MANBA: variants seen among roughly 807,000 people sequenced by gnomAD.
MANBA encodes the protein beta-mannosidase.
A neutral mutation model predicts 111.1 loss-of-function variants in MANBA; 83 were observed. The observed-to-expected ratio is 0.75, with a 90% CI of 0.63 to 0.90. The LOEUF is 0.90. Among genes scored for constraint, MANBA ranks in the 40% least tolerant of loss-of-function variants. The pLI is 0.00. For missense variants in MANBA, 1,036 were observed against 1,069.0 expected, an observed-to-expected ratio of 0.97 and a Z score of 0.43; for synonymous variants, 370 against 378.7, an observed-to-expected ratio of 0.98 and a Z score of 0.27.
chr4:102,731,139 G>A (rs761981705), intron 1 of MANBA, among the ~76,000 whole-genome samples: 14 of 151,904 alleles, frequency 9.2e-5, no homozygotes, highest in Non-Finnish European at 1.2e-4. Flanking sequence ...CTTGATTGAC[G>A]CAAGTGGCAC....
At chr4:102,651,176 T>A (rs1317776130) in intron 12 of MANBA, among the ~76,000 whole-genome samples, 1 of 152,006 alleles carries the variant, frequency 6.6e-6, no homozygotes, top group Non-Finnish European at 1.5e-5. Context: ...ACTATGAGAG[T>A]AGATGCTTTA....
At chr4:102,750,532 T>C (rs1038376688) in intron 1 of MANBA, among the ~76,000 whole-genome samples, 4 of 152,184 alleles carry the variant, frequency 2.6e-5, no homozygotes, top group African/African-American at 7.2e-5. Context: ...TCTGTGGTTA[T>C]GTTGAAGAAA....
chr4:102,758,256 T>C (rs1176745405), intron 1 of MANBA, among the ~76,000 whole-genome samples: 1 of 152,162 alleles, frequency 6.6e-6, no homozygotes, highest in Admixed American at 6.5e-5. Context: ...AGGACTTTGT[T>C]TTCTTTACCA....
chr4:102,672,203 A>G, intron 8 of MANBA: 1 of 397,964 alleles, frequency 2.5e-6, no homozygotes, highest in East Asian at 3.6e-5. Context: ...TTTGGAAAAA[A>G]TCAGGGTTTA....
rs548209583 is a variant in MANBA, at chr4:102,636,023, A to G, written c.2015-16T>C. Reference sequence around the variant, plus strand: ...CCTCCGTACTCTGAAAATAATCAAGAGTGTCAGGAGACGGCAAGGTCAAGT... The same window carrying G: ...CCTCCGTACTCTGAAAATAATCAAGGGTGTCAGGAGACGGCAAGGTCAAGT... On this transcript the variant is annotated splice_polypyrimidine_tract_variant and intron_variant, in intron 14 of 16. Coordinates refer to ENST00000647097, the MANE Select transcript of MANBA (RefSeq NM_005908.4). 1 of 1,612,478 alleles carries G rather than the reference A, an allele frequency of 6.2e-7. No homozygotes were observed. Among genetic ancestry groups the G allele is most frequent in the Non-Finnish European group, 8.5e-7 (1 of 1,178,634 alleles).
At chr4:102,663,601 T>C (rs1272230057) in intron 11 of MANBA, among the ~76,000 whole-genome samples, 1 of 152,230 alleles carries the variant, frequency 6.6e-6, no homozygotes, top group Non-Finnish European at 1.5e-5. Flanking sequence ...GAATTCTCAA[T>C]GAAGTTTCTT....
intron 14 of MANBA, among the ~76,000 whole-genome samples, chr4:102,639,164 C>T (rs1469838260): frequency 1.3e-5 from 2 of 152,146 alleles, no homozygotes; most frequent in African/African-American, 2.4e-5. Flanking sequence ...CTTTCCCATT[C>T]GGGATTCTGC....
chr4:102,722,955 G>A lies in MANBA; in HGVS notation c.465C>T (p.Ser155=). 1 of 1,614,064 alleles carries A rather than the reference G, an allele frequency of 6.2e-7. No individual in the cohort carries two copies. Among genetic ancestry groups the A allele is most frequent in the Non-Finnish European group, 8.5e-7 (1 of 1,179,910 alleles). Reference sequence around the variant, plus strand: ...GAACCTGGTAGCGAGTGTGAGCTTTGCTCTGCTGTGCTGCATACAACACCG... The same window carrying A: ...GAACCTGGTAGCGAGTGTGAGCTTTACTCTGCTGTGCTGCATACAACACCG... ...QSAVLYAAQQ[S]KAHTRYQVPP... The change falls in exon 4 of 17, where the codon AGC becomes AGT. Residue 155 remains serine, a synonymous_variant. Transcript: ENST00000647097.
At chr4:102,723,093 G>A (rs1301535530) in intron 3 of MANBA, 52 bp from the exon 4 acceptor site, 2 of 1,539,026 alleles carry the variant, frequency 1.3e-6, no homozygotes, top group African/African-American at 1.4e-5. Flanking sequence ...GTAGTCTTGT[G>A]TGTAAAATTT....
At chr4:102,639,572 T>C (rs1729775419) in intron 14 of MANBA, 141 bp downstream of exon 14, 3 of 1,145,308 alleles carry the variant, frequency 2.6e-6, no homozygotes, top group Non-Finnish European at 2.5e-6. Flanking sequence ...CTGTAGTTCC[T>C]AGGCAGGCTT....
intron 13 of MANBA, among the ~76,000 whole-genome samples, chr4:102,642,399 A>G (rs888389116): frequency 6.6e-6 from 1 of 152,188 alleles, no homozygotes; most frequent in African/African-American, 2.4e-5. Flanking sequence ...CGAGGTCAGG[A>G]GATGGAGATC....
chr4:102,680,935 T>A (rs1731949985), intron 7 of MANBA, among the ~76,000 whole-genome samples: 1 of 152,254 alleles, frequency 6.6e-6, no homozygotes. Context: ...TTATTTCCAC[T>A]CTGCCACCTT....
chr4:102,650,615 A>AT lies in MANBA; in HGVS notation c.1790dup (p.Tyr597Ter). ...GGAGTTTGAAATGAAGTCCAGCCTG[A>AT]TAAAGCATTTGTTTGTTACCACCTT... ...HHEGGNKQML[Y>*]QAGLHFKLPQ... is the part of the protein sequence containing the mutation. The change falls in exon 13 of 17, where the codon TAT (tyrosine) becomes TAAT (stop). Residue 597 changes from tyrosine (Y) to a stop codon, truncating the protein, a stop_gained and frameshift_variant. Transcript: ENST00000647097. LOFTEE classifies it high-confidence loss of function. The AT allele has an allele frequency of 6.2e-7, 1 of 1,613,452 alleles. No individual in the cohort carries two copies. The highest frequency in any genetic ancestry group is 8.5e-7 in the Non-Finnish European group (1 of 1,179,390).
Position 102,714,485 on chromosome 4 carries a change from G to A in MANBA, c.626C>T (p.Ala209Val). 5 of 1,603,776 alleles carry A rather than the reference G, an allele frequency of 3.1e-6. No individual in the cohort carries two copies. The highest frequency in any genetic ancestry group is 4.3e-6 in the Non-Finnish European group (5 of 1,170,726). The change falls in exon 5 of 17, where the codon GCC becomes GTC. Residue 209 changes from alanine (A) to valine (V), a missense_variant. Coordinates refer to ENST00000647097, the MANE Select transcript of MANBA (RefSeq NM_005908.4). ...QGIWKDVRIE[A>V]YNICHLNYFT... ...GTAGTTCAGGTGACAAATATTATAG[G>A]CTTCAATTCTAACATCTTTCCAGAT... is the stretch of plus-strand genomic sequence containing the variant.
chr4:102,685,881 T>C (rs866847113), intron 7 of MANBA, among the ~76,000 whole-genome samples: 1 of 151,062 alleles, frequency 6.6e-6, no homozygotes, highest in African/African-American at 2.4e-5. Flanking sequence ...GTAGGACAGT[T>C]CCTCAATCTT....
chr4:102,698,130 G>GTGT (rs1281813762), intron 5 of MANBA, among the ~76,000 whole-genome samples: 10 of 152,166 alleles, frequency 6.6e-5, no homozygotes, highest in African/African-American at 2.4e-4. Context: ...ATTTTTTCAT[G>GTGT]TTTTTTGGCT....
At chr4:102,695,716 A>G (rs545994599) in intron 5 of MANBA, among the ~76,000 whole-genome samples, 2 of 152,286 alleles carry the variant, frequency 1.3e-5, no homozygotes, top group African/African-American at 4.8e-5. Context: ...TCGACTTTCC[A>G]TGAGCCTCTC....
chr4:102,675,800 C>T (rs1407583634), intron 7 of MANBA, among the ~76,000 whole-genome samples: 3 of 151,844 alleles, frequency 2.0e-5, no homozygotes, highest in African/African-American at 7.3e-5. Context: ...TGGTGAAATC[C>T]TATCTCTACT....
intron 1 of MANBA, among the ~76,000 whole-genome samples, chr4:102,755,909 C>G (rs1723993029): frequency 1.3e-5 from 2 of 152,162 alleles, no homozygotes; most frequent in African/African-American, 2.4e-5. Flanking sequence ...AAATGCAAAT[C>G]AAAACCACAA....
Sources: allele counts gnomAD v4.1 joint callset (sites outside exome capture counted in the v4.1 genomes callset), GRCh38; gene constraint gnomAD v4.1.1; transcripts MANE v1.5; gene names NCBI Gene and HGNC (gene_info 2026-07-23, HGNC 2026-07-21).